Variants in CTTN observed in about 807,000 individuals in gnomAD.
CTTN encodes the protein cortactin.
In CTTN, 28 loss-of-function variants were observed where a neutral mutation model predicts 84.0. The observed-to-expected ratio is 0.33, with a 90% CI of 0.25 to 0.46. CTTN has a LOEUF of 0.46. Among genes scored for constraint, CTTN ranks in the 20% least tolerant of loss-of-function variants. The pLI, the probability that CTTN is intolerant of heterozygous loss-of-function variation, is 1.00. For missense variants in CTTN, 641 were observed against 723.8 expected (o/e 0.89, Z 1.31); for synonymous variants, 301 against 288.8 (o/e 1.04, Z -0.43).
chr11:70,429,102 A>C lies in CTTN; in HGVS notation c.1079A>C (p.Glu360Ala). Residue 360 changes from glutamate to alanine, a missense_variant, in exon 14 of 18, where the codon GAG becomes GCG. Around this residue, in one of 3 missense-constraint regions of CTTN, gnomAD observed 289 missense variants for 273.1 expected, o/e 1.06. Coordinates refer to ENST00000301843, the MANE Select transcript of CTTN (RefSeq NM_005231.4). ...IRANFENLAK[E>A]KEQEDRRKAE... Reference sequence around the variant, plus strand: ...GCTAACTTTGAAAACCTCGCTAAGGAGAAAGAGCAGGAGGACAGGCGGAAG... The same window carrying C: ...GCTAACTTTGAAAACCTCGCTAAGGCGAAAGAGCAGGAGGACAGGCGGAAG... 1 of 1,614,208 alleles carries C rather than the reference A, an allele frequency of 6.2e-7. No homozygotes were observed. Among genetic ancestry groups the C allele is most frequent in the Non-Finnish European group, 8.5e-7 (1 of 1,180,036 alleles).
In CTTN at chr11:70,409,942, A is replaced by G. The variant is rs532045274; in HGVS notation, c.273A>G (p.Glu91=). 1.5e-5 allele frequency: 24 copies of G among 1,614,032 alleles called. No homozygotes were observed. In the African/African-American group the frequency reaches 1.7e-4, roughly 12 times the overall value. ...GCTATGGAGGGAAATTTGGTGTGGA[A>G]CAAGACCGAATGGATAAGGTAAGTG... ...SHGYGGKFGV[E]QDRMDKSAVG... Residue 91 remains glutamate (E), a synonymous_variant, in exon 5 of 18, where the codon GAA becomes GAG. Coordinates refer to ENST00000301843, the MANE Select transcript of CTTN (RefSeq NM_005231.4).
At chr11:70,432,710 G>T (rs946048174) in intron 15 of CTTN, among the ~76,000 whole-genome samples, 2 of 152,238 alleles carry the variant, frequency 1.3e-5, no homozygotes, top group Non-Finnish European at 2.9e-5. Flanking sequence ...GAGGGTGGCC[G>T]CTCGGCCCAA....
chr11:70,415,754 G>A (rs1474890253), intron 7 of CTTN, 37 bp downstream of exon 7: 1 of 1,606,532 alleles, frequency 6.2e-7, no homozygotes, highest in Non-Finnish European at 8.5e-7. Flanking sequence ...CCCGCTCCGG[G>A]GGCCCCGATG....
rs557402754 is a variant in CTTN at position 70,416,902 on chromosome 11, G to T, written c.458-111G>T. 2.3e-4 allele frequency: 180 copies of T among 774,230 alleles called. 1 individual carries two copies. The highest frequency in any genetic ancestry group is 1.9e-3 in the African/African-American group (113 of 59,122). 48.0% of individuals were successfully genotyped at this position (774,230 alleles called of 1,614,324 possible). A position where few individuals can be genotyped will look rare whatever the true frequency, so the allele number is the denominator to read the frequency against. Reference sequence around the variant, plus strand: ...GCTTGTTGTACATTTTAAAATGTGCGCTTGATGTGTTTGTGAGTTGTAACC... The same window carrying T: ...GCTTGTTGTACATTTTAAAATGTGCTCTTGATGTGTTTGTGAGTTGTAACC... On this transcript the variant is annotated intron_variant, in intron 7 of 17. Coordinates refer to ENST00000301843, the MANE Select transcript of CTTN (RefSeq NM_005231.4).
rs1349743808 is a variant in CTTN, at chr11:70,429,130, G to C, written c.1107G>C (p.Ala369=). The C allele has an allele frequency of 6.2e-7, 1 of 1,614,128 alleles. No homozygotes were observed. Among genetic ancestry groups the C allele is most frequent in the South Asian group, 1.1e-5 (1 of 91,078 alleles). ...KEKEQEDRRK[A]EAERAQRMAK... ...AAGAGCAGGAGGACAGGCGGAAGGC[G>C]GAGGCGGAGAGAGCCCAGCGGATGG... is the stretch of plus-strand genomic sequence containing the variant. The change falls in exon 14 of 18, where the codon GCG becomes GCC. Residue 369 remains alanine (A), a synonymous_variant. Coordinates refer to ENST00000301843, the MANE Select transcript of CTTN (RefSeq NM_005231.4).
chr11:70,416,082 C>T (rs985705066), intron 7 of CTTN: 7 of 245,640 alleles, frequency 2.8e-5, no homozygotes, highest in African/African-American at 1.6e-4. Context: ...CTAACTTCCC[C>T]CCAAGGCTAG....
Position 70,416,895 on chromosome 11 carries a change from A to T in CTTN, c.458-118A>T, listed in dbSNP as rs1439503107. The T allele has an allele frequency of 5.3e-6, 4 of 753,550 alleles. No homozygotes were observed. In the Admixed American group the frequency reaches 7.3e-5, roughly 14 times the overall value. 46.7% of individuals were successfully genotyped at this position (753,550 alleles called of 1,614,324 possible). On this transcript the variant is annotated intron_variant, in intron 7 of 17. Coordinates refer to ENST00000301843, the MANE Select transcript of CTTN (RefSeq NM_005231.4). ...GTGGGTGGCTTGTTGTACATTTTAA[A>T]ATGTGCGCTTGATGTGTTTGTGAGT...
chr11:70,435,353 C>T lies in CTTN; in HGVS notation c.*191C>T. ...CTGATGCTTTTGAAAATGTTTATGC[C>T]ACAGAATTTGCTAATATATTGTAAT... On this transcript the variant is annotated 3_prime_UTR_variant, in exon 18 of 18. Coordinates refer to ENST00000301843, the MANE Select transcript of CTTN (RefSeq NM_005231.4). 1 of 1,462,906 alleles carries T rather than the reference C, an allele frequency of 6.8e-7. No individual in the cohort carries two copies. Among genetic ancestry groups the T allele is most frequent in the Non-Finnish European group, 9.0e-7 (1 of 1,115,292 alleles). 90.6% of individuals were successfully genotyped at this position (1,462,906 alleles called of 1,614,324 possible). A position where few individuals can be genotyped will look rare whatever the true frequency, so the allele number is the denominator to read the frequency against.
chr11:70,429,515 G>A (rs1477077792), intron 14 of CTTN, among the ~76,000 whole-genome samples: 1 of 152,100 alleles, frequency 6.6e-6, no homozygotes, highest in African/African-American at 2.4e-5. Flanking sequence ...CCACCTCCAC[G>A]GGGCTCCTGT....
In CTTN at chr11:70,435,171, G is replaced by T. The variant is rs745604725; in HGVS notation, c.*9G>T. On this transcript the variant is annotated 3_prime_UTR_variant, in exon 18 of 18. Transcript: ENST00000301843. Reference sequence around the variant, plus strand: ...TGGAGCTGCGGCAGTAGGGCCCCCAGCCCCCCCCCGGAGCTGCGCCCTGGA... The same window carrying T: ...TGGAGCTGCGGCAGTAGGGCCCCCATCCCCCCCCCGGAGCTGCGCCCTGGA... 3 of 1,522,414 alleles carry T rather than the reference G, an allele frequency of 2.0e-6. No individual in the cohort carries two copies. Among genetic ancestry groups the T allele is most frequent in the East Asian group, 2.4e-5 (1 of 41,536 alleles). 94.3% of individuals were successfully genotyped at this position (1,522,414 alleles called of 1,614,324 possible).
intron 13 of CTTN, 26 bp downstream of exon 13, chr11:70,425,427 A>G (rs1295038287): frequency 2.5e-6 from 4 of 1,586,958 alleles, no homozygotes; most frequent in Non-Finnish European, 3.4e-6. Context: ...TACCAGGAGC[A>G]CCGTGTGGTT....
intron 8 of CTTN, 150 bp from the exon 9 acceptor site, chr11:70,419,594 CAT>C: frequency 1.6e-6 from 1 of 629,754 alleles, no homozygotes; most frequent in Admixed American, 3.3e-5. Flanking sequence ...TGTTATTACA[CAT>C]AAATAGCACC....
chr11:70,435,435 C>CT lies in CTTN; in HGVS notation c.*279dup. ...TTTATGCATTGATGGTTTTTTTTTT[C>CT]TTTTTTGCCAAATTGACTGTCACGC... is the stretch of plus-strand genomic sequence containing the variant. On this transcript the variant is annotated 3_prime_UTR_variant, in exon 18 of 18. Coordinates refer to ENST00000301843, the MANE Select transcript of CTTN (RefSeq NM_005231.4). The CT allele has an allele frequency of 1.3e-6, 2 of 1,488,544 alleles. No homozygotes were observed. The highest frequency in any genetic ancestry group is 1.3e-5 in the South Asian group (1 of 75,776). The allele number at this position is 1,488,544 out of a possible 1,614,324, so 92.2% of individuals were successfully genotyped here. A position where few individuals can be genotyped will look rare whatever the true frequency, so the allele number is the denominator to read the frequency against.
chr11:70,427,606 G>A (rs139256341), intron 13 of CTTN, among the ~76,000 whole-genome samples: 30 of 152,366 alleles, frequency 2.0e-4, no homozygotes, highest in African/African-American at 6.5e-4. Flanking sequence ...CTGCGACGCC[G>A]CCCAAGCGTG....
At chr11:70,407,835 A>C (rs1414376461) in intron 4 of CTTN, 1 of 480,958 alleles carries the variant, frequency 2.1e-6, no homozygotes, top group Non-Finnish European at 3.7e-6. Context: ...TCCCATTGCA[A>C]ACAATTTCCG....
At chr11:70,434,837 C>G (rs1272396124) in intron 17 of CTTN, among the ~76,000 whole-genome samples, 189 bp from the exon 18 acceptor site, 1 of 152,200 alleles carries the variant, frequency 6.6e-6, no homozygotes, top group Non-Finnish European at 1.5e-5. Context: ...TGTACTCTCT[C>G]GGTTCATGTT....
Position 70,436,112 on chromosome 11 carries a change from C to T in CTTN, c.*950C>T, listed in dbSNP as rs1252946555. ...GCTGTGAGCCGCCAGGAACCCTCCT[C>T]CTGTCAATGGGGGTGTAGTATTTTT... On this transcript the variant is annotated 3_prime_UTR_variant, in exon 18 of 18. Transcript: ENST00000301843. The T allele has an allele frequency of 4.1e-5, 59 of 1,429,896 alleles. No individual in the cohort carries two copies. Among genetic ancestry groups the T allele is most frequent in the Non-Finnish European group, 5.3e-5 (58 of 1,097,758 alleles). The allele number at this position is 1,429,896 out of a possible 1,614,324, so 88.6% of individuals were successfully genotyped here. A position where few individuals can be genotyped will look rare whatever the true frequency, so the allele number is the denominator to read the frequency against.
chr11:70,432,709 C>T (rs1043677543), intron 15 of CTTN, among the ~76,000 whole-genome samples: 5 of 152,286 alleles, frequency 3.3e-5, no homozygotes, highest in Non-Finnish European at 5.9e-5. Context: ...GGAGGGTGGC[C>T]GCTCGGCCCA....
chr11:70,414,752 C>A, intron 6 of CTTN, 100 bp downstream of exon 6: 1 of 819,926 alleles, frequency 1.2e-6, no homozygotes. Flanking sequence ...AGGCAGGTGC[C>A]CTCCAGCTCT....
Sources: gnomAD v4.1 joint callset for allele counts (sites outside exome capture counted in the v4.1 genomes callset) on GRCh38, gnomAD v4.1.1 for gene constraint, gnomAD v4.1.1 regional missense constraint, MANE v1.5 for transcripts, NCBI Gene and HGNC (gene_info 2026-07-23, HGNC 2026-07-21) for gene names.